ASTN1: variants seen among roughly 807,000 people sequenced by gnomAD.
ASTN1 encodes astrotactin 1.
A neutral mutation model predicts 140.7 loss-of-function variants in ASTN1; 41 were observed. That is an observed-to-expected ratio of 0.29 (90% CI 0.23 to 0.38). The LOEUF is 0.38. Among genes scored for constraint, ASTN1 ranks in the 10% least tolerant of loss-of-function variants. The pLI, the probability that ASTN1 is intolerant of heterozygous loss-of-function variation, is 1.00. For synonymous variants in ASTN1, 640 were observed against 652.2 expected, an observed-to-expected ratio of 0.98 and a Z score of 0.29; for missense variants, 1,479 against 1,678.8, an observed-to-expected ratio of 0.88 and a Z score of 2.08.
intron 16 of ASTN1, among the ~76,000 whole-genome samples, chr1:176,923,405 G>T (rs1670822480): frequency 6.6e-6 from 1 of 152,148 alleles, no homozygotes; most frequent in South Asian, 2.1e-4. Context: ...AAAGAACCCA[G>T]TTCTCCCAGA....
Position 176,888,124 on chromosome 1 carries a change from G to A in ASTN1, c.3021C>T (p.Ser1007=). 1.2e-6 allele frequency: 2 copies of A among 1,614,138 alleles called. No individual in the cohort carries two copies. The highest frequency in any genetic ancestry group is 1.7e-6 in the Non-Finnish European group (2 of 1,180,014). ...GGAGTCCATCAGCTCCAAAAGCAGT[G>A]GAGTCACATCGACACCAGTCCTCGA... ...DVIEDWCRCD[S]TAFGADGLPT... Residue 1007 remains serine, a synonymous_variant, in exon 18 of 23, where the codon TCC becomes TCT. Coordinates refer to ENST00000361833, the MANE Select transcript of ASTN1 (RefSeq NM_004319.3).
At chr1:177,073,237 G>A (rs1415839156) in intron 1 of ASTN1, among the ~76,000 whole-genome samples, 1 of 152,122 alleles carries the variant, frequency 6.6e-6, no homozygotes, top group African/African-American at 2.4e-5. Context: ...TAAAGCTGAG[G>A]TCAGTCTTAG....
intron 1 of ASTN1, among the ~76,000 whole-genome samples, chr1:177,120,574 T>G (rs1275429625): frequency 6.6e-6 from 1 of 152,174 alleles, no homozygotes; most frequent in Non-Finnish European, 1.5e-5. Context: ...TCCCTTCTCT[T>G]AAACAAGCCG....
chr1:176,930,727 G>A (rs1671171564), intron 16 of ASTN1, among the ~76,000 whole-genome samples: 1 of 152,102 alleles, frequency 6.6e-6, no homozygotes, highest in African/African-American at 2.4e-5. Context: ...CTTCTCCAGC[G>A]CTGTTTTTGT....
intron 1 of ASTN1, among the ~76,000 whole-genome samples, chr1:177,093,360 G>A (rs911390162): frequency 4.6e-5 from 7 of 152,158 alleles, no homozygotes; most frequent in African/African-American, 1.4e-4. Flanking sequence ...TATCCATAAC[G>A]TTAGAGTCAT....
chr1:177,031,058 A>G, intron 3 of ASTN1, 106 bp from the exon 4 acceptor site: 1 of 1,259,942 alleles, frequency 7.9e-7, no homozygotes, highest in East Asian at 2.5e-5. Context: ...ACAGAATTGA[A>G]ATAAGACACC....
intron 8 of ASTN1, among the ~76,000 whole-genome samples, chr1:177,012,669 T>C (rs1675348394): frequency 6.6e-6 from 1 of 152,202 alleles, no homozygotes; most frequent in Admixed American, 6.5e-5. Flanking sequence ...ATCCTAAGAC[T>C]GTCTCTACAT....
At chr1:176,887,227 C>A (rs997729548) in intron 18 of ASTN1, among the ~76,000 whole-genome samples, 1 of 152,116 alleles carries the variant, frequency 6.6e-6, no homozygotes, top group Non-Finnish European at 1.5e-5. Context: ...TACTTTTTTG[C>A]AGAGCTCCAT....
intron 1 of ASTN1, among the ~76,000 whole-genome samples, chr1:177,158,282 A>C (rs1683325731): frequency 6.6e-6 from 1 of 152,248 alleles, no homozygotes; most frequent in Middle Eastern, 3.2e-3. Flanking sequence ...GATTAAAAAC[A>C]AAATATCAAC....
chr1:176,876,646 G>C lies in ASTN1; in HGVS notation c.3363-9C>G. On this transcript the variant is annotated splice_polypyrimidine_tract_variant and intron_variant, in intron 20 of 22. Transcript: ENST00000361833. ...CTCCCCACAGCGTGAACCTGGCAGG[G>C]AGTGGGAGGGCATGGTTAGCAGAAA... The C allele has an allele frequency of 6.2e-7, 1 of 1,613,668 alleles. No individual in the cohort carries two copies. Among genetic ancestry groups the C allele is most frequent in the South Asian group, 1.1e-5 (1 of 91,040 alleles).
intron 20 of ASTN1, 96 bp from the exon 21 acceptor site, chr1:176,876,733 G>A: frequency 8.2e-7 from 1 of 1,214,874 alleles, no homozygotes; most frequent in Non-Finnish European, 1.2e-6. Flanking sequence ...GCCTGAATGG[G>A]TGGCTATGGA....
At chr1:176,907,545 G>T (rs1317391367) in intron 16 of ASTN1, among the ~76,000 whole-genome samples, 1 of 152,184 alleles carries the variant, frequency 6.6e-6, no homozygotes, top group Non-Finnish European at 1.5e-5. Context: ...TAGACAAAAA[G>T]CACTGTTCAG....
intron 8 of ASTN1, among the ~76,000 whole-genome samples, chr1:177,009,115 CA>C (rs1304488049): frequency 6.6e-6 from 1 of 152,194 alleles, no homozygotes; most frequent in Non-Finnish European, 1.5e-5. Context: ...GGCTTGGAAT[CA>C]CAGCTACAGC....
chr1:176,866,442 A>C lies in ASTN1; in HGVS notation c.3648-1921T>G, dbSNP rs551881355. 2.0e-5 allele frequency among the ~76,000 whole-genome samples: 3 copies of C among 152,206 alleles called. No individual in the cohort carries two copies. The South Asian group carries it at 6.2e-4, about 32-fold the overall frequency. On this transcript the variant is annotated intron_variant, in intron 22 of 22. Coordinates refer to ENST00000361833, the MANE Select transcript of ASTN1 (RefSeq NM_004319.3). Reference sequence around the variant, plus strand: ...TTTCCAAAAGTTGTCATCAACAAGAACTCTGGTGTCCCTTCCTCTCAGTCT... The same window carrying C: ...TTTCCAAAAGTTGTCATCAACAAGACCTCTGGTGTCCCTTCCTCTCAGTCT...
At chr1:177,088,021 G>C (rs909876167) in intron 1 of ASTN1, among the ~76,000 whole-genome samples, 1 of 152,196 alleles carries the variant, frequency 6.6e-6, no homozygotes, top group Non-Finnish European at 1.5e-5. Flanking sequence ...GATTAATGAA[G>C]TTGTGTACCT....
At chr1:177,098,789 A>T (rs965747165) in intron 1 of ASTN1, among the ~76,000 whole-genome samples, 1 of 152,202 alleles carries the variant, frequency 6.6e-6, no homozygotes, top group Admixed American at 6.5e-5. Flanking sequence ...ATCATCTTGT[A>T]GATCATGAGA....
At chr1:177,002,925 T>G (rs7556507) in intron 8 of ASTN1, among the ~76,000 whole-genome samples, 52,963 of 150,416 alleles carry the variant, frequency 0.35, 10,038 homozygotes, top group Non-Finnish European at 0.43. Context: ...CAAGAAGGAA[T>G]AGAAACCCTG....
intron 8 of ASTN1, among the ~76,000 whole-genome samples, chr1:176,971,217 A>G (rs34618517): frequency 0.058 from 8,840 of 152,244 alleles, 338 homozygotes; most frequent in Middle Eastern, 0.11. Flanking sequence ...GGGTGAAGAG[A>G]AAAATGGCAA....
At chr1:177,094,658 C>T (rs771793961) in intron 1 of ASTN1, among the ~76,000 whole-genome samples, 3 of 152,112 alleles carry the variant, frequency 2.0e-5, no homozygotes, top group Non-Finnish European at 4.4e-5. Flanking sequence ...TATAGCAGCC[C>T]GAACAGACTA....
Sources: allele counts gnomAD v4.1 joint callset (sites outside exome capture counted in the v4.1 genomes callset), GRCh38; gene constraint gnomAD v4.1.1; transcripts MANE v1.5; gene names NCBI Gene and HGNC (gene_info 2026-07-23, HGNC 2026-07-21).